SDHAF3: variants seen among roughly 807,000 people sequenced by gnomAD.
SDHAF3 encodes the protein succinate dehydrogenase assembly factor 3, mitochondrial.
Under a neutral mutation model 11.5 loss-of-function variants are expected in SDHAF3, and 18 were observed. That is an observed-to-expected ratio of 1.56 (90% CI 1.08 to 2.32). The LOEUF (loss-of-function observed/expected upper bound fraction) is 2.32, where lower values mean the gene tolerates loss of function less well. Ranked by LOEUF, SDHAF3 falls within the 30% of genes most tolerant of loss-of-function variation. The pLI is 0.00. For missense variants in SDHAF3, 200 were observed against 154.4 expected (o/e 1.30, Z -1.57); for synonymous variants, 72 against 59.3 (o/e 1.21, Z -0.99).
At position 97,120,445 on chromosome 7, in the gene SDHAF3, A is replaced by C. The variant is rs75536294; in HGVS notation, c.174+2548A>C. On this transcript the variant is annotated intron_variant, in intron 1 of 1. Coordinates refer to ENST00000432641, the MANE Select transcript of SDHAF3 (RefSeq NM_020186.3). ...GAGGGGAGAAAAACCTGGCTAGAGA[A>C]GTTTTATCACCAGAGAGTAATATAC... is the stretch of plus-strand genomic sequence containing the variant. Among the ~76,000 whole-genome samples, 1,513 of 152,162 alleles carry C rather than the reference A, an allele frequency of 9.9e-3. 34 individuals carry two copies. The highest frequency in any genetic ancestry group is 0.035 in the African/African-American group (1,454 of 41,504).
intron 1 of SDHAF3, among the ~76,000 whole-genome samples, chr7:97,148,850 A>T (rs1789174042): frequency 6.6e-6 from 1 of 152,122 alleles, no homozygotes; most frequent in Non-Finnish European, 1.5e-5. Context: ...GTAAATATAT[A>T]TTATCTGTAG....
intron 1 of SDHAF3, among the ~76,000 whole-genome samples, chr7:97,158,220 AG>A (rs1351204401): frequency 6.6e-6 from 1 of 152,152 alleles, no homozygotes; most frequent in Non-Finnish European, 1.5e-5. Context: ...GCAGGCTAAC[AG>A]TTACATTTCC....
chr7:97,150,938 C>G (rs1284529056), intron 1 of SDHAF3, among the ~76,000 whole-genome samples: 2 of 152,116 alleles, frequency 1.3e-5, no homozygotes, highest in Non-Finnish European at 2.9e-5. Flanking sequence ...GCCTGCACCA[C>G]TGCGCCTGGC....
Position 97,117,910 on chromosome 7 carries a change from C to A in SDHAF3, c.174+13C>A, listed in dbSNP as rs1791432334. 1 of 1,613,006 alleles carries A rather than the reference C, an allele frequency of 6.2e-7. No homozygotes were observed. Among genetic ancestry groups the A allele is most frequent in the South Asian group, 1.1e-5 (1 of 90,926 alleles). On this transcript the variant is annotated intron_variant, in intron 1 of 1. Coordinates refer to ENST00000432641, the MANE Select transcript of SDHAF3 (RefSeq NM_020186.3). The stretch of plus-strand genomic sequence containing the variant: ...GCAAGAATGGGAGGCAAGTGACGCT[C>A]CCTTCTCTTTGCCCAAGACCTTTGG...
chr7:97,178,377 G>T (rs1281483532), intron 1 of SDHAF3, among the ~76,000 whole-genome samples: 1 of 152,058 alleles, frequency 6.6e-6, no homozygotes, highest in Non-Finnish European at 1.5e-5. Flanking sequence ...CAGTTATTTT[G>T]GTAATATACC....
chr7:97,121,616 C>G (rs1452275510), intron 1 of SDHAF3, among the ~76,000 whole-genome samples: 1 of 152,150 alleles, frequency 6.6e-6, no homozygotes, highest in Admixed American at 6.5e-5. Context: ...ATTTTACTTT[C>G]ACAGTGTTCA....
At chr7:97,175,563 T>A (rs915164554) in intron 1 of SDHAF3, among the ~76,000 whole-genome samples, 9 of 152,344 alleles carry the variant, frequency 5.9e-5, no homozygotes, top group African/African-American at 1.9e-4. Flanking sequence ...GCTCTGGGAT[T>A]ACAGGTGTGA....
chr7:97,175,249 T>C (rs1339457216), intron 1 of SDHAF3, among the ~76,000 whole-genome samples: 98 of 152,362 alleles, frequency 6.4e-4, no homozygotes, highest in Non-Finnish European at 8.8e-5. Flanking sequence ...GATTGTTTTC[T>C]TAATGTTATT....
At chr7:97,135,848 T>C (rs993383400) in intron 1 of SDHAF3, among the ~76,000 whole-genome samples, 9 of 150,590 alleles carry the variant, frequency 6.0e-5, no homozygotes, top group Admixed American at 1.3e-4. Context: ...CCACCACGCC[T>C]GGCTAATTTT....
At chr7:97,169,608 A>G (rs1429833596) in intron 1 of SDHAF3, among the ~76,000 whole-genome samples, 2 of 152,112 alleles carry the variant, frequency 1.3e-5, no homozygotes, top group Non-Finnish European at 2.9e-5. Context: ...ATTTGAATGC[A>G]TCATGTCCTT....
At chr7:97,124,495 A>G (rs1791545838) in intron 1 of SDHAF3, among the ~76,000 whole-genome samples, 3 of 152,192 alleles carry the variant, frequency 2.0e-5, no homozygotes, top group Non-Finnish European at 4.4e-5. Flanking sequence ...TTGGTTCCAC[A>G]TGAAATTTAA....
At chr7:97,132,225 A>T (rs1791681744) in intron 1 of SDHAF3, among the ~76,000 whole-genome samples, 1 of 152,162 alleles carries the variant, frequency 6.6e-6, no homozygotes, top group Non-Finnish European at 1.5e-5. Flanking sequence ...TACATTTCCT[A>T]ATTTTGCCTT....
intron 1 of SDHAF3, among the ~76,000 whole-genome samples, chr7:97,138,600 T>TA (rs1443845292): frequency 6.6e-6 from 1 of 152,252 alleles, no homozygotes; most frequent in Non-Finnish European, 1.5e-5. Context: ...TCTAGCCACT[T>TA]ACTCTGTGAC....
intron 1 of SDHAF3, among the ~76,000 whole-genome samples, chr7:97,139,166 C>T (rs1177442791): frequency 2.6e-5 from 4 of 152,242 alleles, no homozygotes. Flanking sequence ...TTCCTGAGTT[C>T]TTGTCCTGTG....
At chr7:97,156,989 A>G (rs1476429444) in intron 1 of SDHAF3, among the ~76,000 whole-genome samples, 2 of 151,828 alleles carry the variant, frequency 1.3e-5, no homozygotes, top group Non-Finnish European at 2.9e-5. Context: ...AGCCCCTGAC[A>G]GGCCCCTCCC....
intron 1 of SDHAF3, 103 bp downstream of exon 1, chr7:97,118,000 G>A (rs1791434475): frequency 7.2e-7 from 1 of 1,390,814 alleles, no homozygotes; most frequent in East Asian, 2.3e-5. Context: ...GCAGCAACCT[G>A]TTCTGTTTGA....
intron 1 of SDHAF3, among the ~76,000 whole-genome samples, chr7:97,142,308 C>T (rs1789062244): frequency 6.6e-6 from 1 of 151,966 alleles, no homozygotes; most frequent in Non-Finnish European, 1.5e-5. Flanking sequence ...CCACCTCGGC[C>T]TCCCAAAGTG....
intron 1 of SDHAF3, among the ~76,000 whole-genome samples, chr7:97,122,199 G>T (rs1157907831): frequency 6.6e-6 from 1 of 152,152 alleles, no homozygotes; most frequent in Non-Finnish European, 1.5e-5. Context: ...GTTGTGTTTG[G>T]AATTTAGTGT....
intron 1 of SDHAF3, among the ~76,000 whole-genome samples, chr7:97,165,156 G>A (rs933550004): frequency 1.1e-4 from 17 of 151,956 alleles, no homozygotes; most frequent in Non-Finnish European, 1.3e-4. Flanking sequence ...GTGTGGTGGC[G>A]GGCACCTGTA....
Sources: allele counts gnomAD v4.1 joint callset (sites outside exome capture counted in the v4.1 genomes callset), GRCh38; gene constraint gnomAD v4.1.1; transcripts MANE v1.5; gene names NCBI Gene and HGNC (gene_info 2026-07-23, HGNC 2026-07-21).